ALDH1A2: variants seen among roughly 807,000 people sequenced by gnomAD.
The protein encoded by ALDH1A2 is aldehyde dehydrogenase 1 family member A2, also known as retinal dehydrogenase 2.
Under a neutral mutation model 60.3 loss-of-function variants are expected in ALDH1A2, and 27 were observed. The ratio of observed to expected loss-of-function variants is 0.45; its 90% confidence interval spans 0.33 to 0.62. The LOEUF is 0.62. Among genes scored for constraint, ALDH1A2 ranks in the 20% least tolerant of loss-of-function variants. ALDH1A2 has a pLI of 0.02. For synonymous variants in ALDH1A2, 289 were observed against 232.4 expected (o/e 1.24, Z -2.21); for missense variants, 581 against 643.8 (o/e 0.90, Z 1.06).
intron 7 of ALDH1A2, among the ~76,000 whole-genome samples, chr15:57,987,446 G>T (rs1894741882): frequency 6.6e-6 from 1 of 152,062 alleles, no homozygotes; most frequent in Non-Finnish European, 1.5e-5. Context: ...GTAAAATAAA[G>T]ATAACAATGA....
intron 7 of ALDH1A2, among the ~76,000 whole-genome samples, chr15:57,972,989 T>C (rs1261009443): frequency 6.6e-6 from 1 of 152,136 alleles, no homozygotes; most frequent in Non-Finnish European, 1.5e-5. Context: ...TTTATCTCAC[T>C]TAGGAAATAA....
At chr15:57,977,523 G>T (rs948910245) in intron 7 of ALDH1A2, among the ~76,000 whole-genome samples, 9 of 152,200 alleles carry the variant, frequency 5.9e-5, no homozygotes, top group African/African-American at 2.2e-4. Flanking sequence ...GATGGTTGTA[G>T]ATGTATGGTG....
Position 57,987,297 on chromosome 15 carries a change from A to C in ALDH1A2, c.798+5408T>G, listed in dbSNP as rs1177609618. ...GGTCAAAATGTTTCCCAGTTTGATG[A>C]AAACTATAAACTCACAGATATACAG... On this transcript the variant is annotated intron_variant, in intron 7 of 12. Transcript: ENST00000249750. 2.6e-5 allele frequency among the ~76,000 whole-genome samples: 4 copies of C among 152,216 alleles called. No homozygotes were observed. In the East Asian group the frequency reaches 7.7e-4, roughly 29 times the overall value.
Position 57,983,468 on chromosome 15 carries a change from C to T in ALDH1A2, c.798+9237G>A, listed in dbSNP as rs557111437. ...GAGAAAAGGAAGACAGCCTTAAATT[C>T]TTGCCAGTTGTGACTATTAACAACT... On this transcript the variant is annotated intron_variant, in intron 7 of 12. Coordinates refer to ENST00000249750, the MANE Select transcript of ALDH1A2 (RefSeq NM_003888.4). Among the ~76,000 whole-genome samples the T allele has an allele frequency of 6.8e-4, 104 of 152,280 alleles. 1 individual carries two copies. In the South Asian group the frequency reaches 0.021, roughly 30 times the overall value.
chr15:58,024,399 C>T (rs1360256416), intron 1 of ALDH1A2, among the ~76,000 whole-genome samples: 1 of 152,064 alleles, frequency 6.6e-6, no homozygotes, highest in Non-Finnish European at 1.5e-5. Context: ...AAAGATATTC[C>T]ACTCACATGG....
intron 7 of ALDH1A2, among the ~76,000 whole-genome samples, chr15:57,978,601 C>A (rs777567380): frequency 6.6e-6 from 1 of 151,918 alleles, no homozygotes; most frequent in African/African-American, 2.4e-5. Flanking sequence ...GTTTGGTCCA[C>A]AGTCATATTT....
At chr15:57,998,798 CTA>C (rs1424473980) in intron 4 of ALDH1A2, among the ~76,000 whole-genome samples, 1 of 152,060 alleles carries the variant, frequency 6.6e-6, no homozygotes, top group Non-Finnish European at 1.5e-5. Flanking sequence ...TGACTTCAAA[CTA>C]TACTACAAGG....
intron 3 of ALDH1A2, among the ~76,000 whole-genome samples, chr15:58,013,623 G>A (rs146918561): frequency 1.3e-5 from 2 of 152,160 alleles, no homozygotes; most frequent in South Asian, 2.1e-4. Context: ...GTGGTGGCAC[G>A]TGCACGTAAT....
intron 12 of ALDH1A2, among the ~76,000 whole-genome samples, chr15:57,956,087 T>G (rs1893515330): frequency 6.6e-6 from 1 of 152,096 alleles, no homozygotes; most frequent in African/African-American, 2.4e-5. Context: ...GGCTTGAATA[T>G]CTCTGTCTTC....
intron 1 of ALDH1A2, among the ~76,000 whole-genome samples, chr15:58,032,964 A>G (rs1388725899): frequency 6.6e-6 from 1 of 152,102 alleles, no homozygotes; most frequent in Admixed American, 6.6e-5. Context: ...TGGGATCTAA[A>G]AAATATGAAC....
intron 4 of ALDH1A2, among the ~76,000 whole-genome samples, chr15:57,999,768 G>A (rs1895196255): frequency 6.6e-6 from 1 of 151,988 alleles, no homozygotes; most frequent in Non-Finnish European, 1.5e-5. Context: ...GCATGTGTAT[G>A]TTCATTGCAG....
At chr15:57,971,485 G>C (rs1236894507) in intron 7 of ALDH1A2, among the ~76,000 whole-genome samples, 1 of 152,162 alleles carries the variant, frequency 6.6e-6, no homozygotes, top group Admixed American at 6.5e-5. Flanking sequence ...AACTGTAGTA[G>C]TATGATTATG....
chr15:58,005,496 A>C (rs1895420072), intron 4 of ALDH1A2, among the ~76,000 whole-genome samples: 1 of 152,002 alleles, frequency 6.6e-6, no homozygotes, highest in African/African-American at 2.4e-5. Context: ...TAAGAGATCA[A>C]AGTTGATGCC....
chr15:58,052,580 C>T (rs1285932190), intron 1 of ALDH1A2, among the ~76,000 whole-genome samples: 3 of 152,014 alleles, frequency 2.0e-5, no homozygotes, highest in African/African-American at 4.8e-5. Context: ...ATTTAAGTGG[C>T]GTACCCAGTA....
intron 8 of ALDH1A2, 156 bp from the exon 9 acceptor site, chr15:57,964,225 C>G: frequency 1.4e-6 from 1 of 702,430 alleles, no homozygotes; most frequent in South Asian, 1.8e-5. Context: ...CTAGTTCTAA[C>G]TACACCCTGA....
intron 7 of ALDH1A2, among the ~76,000 whole-genome samples, chr15:57,986,571 C>CAAAAAAAAAAAAAAAAAAAAAAAAAACA (rs71116542): frequency 1.2e-5 from 1 of 82,076 alleles, no homozygotes; most frequent in African/African-American, 5.1e-5. Flanking sequence ...ACAGAAAAGC[C>CAAAAAAAAAAAAAAAAAAAAAAAAAACA]AAAAAAAAAA....
At chr15:58,009,324 AAAAC>A (rs1318701457) in intron 4 of ALDH1A2, among the ~76,000 whole-genome samples, 1 of 152,016 alleles carries the variant, frequency 6.6e-6, no homozygotes, top group Non-Finnish European at 1.5e-5. Flanking sequence ...TATTCAGTCA[AAAAC>A]TGCACTTGAA....
At chr15:57,963,347 CT>C (rs67005556) in intron 9 of ALDH1A2, among the ~76,000 whole-genome samples, 206 of 137,452 alleles carry the variant, frequency 1.5e-3, no homozygotes, top group Admixed American at 4.7e-3. Context: ...TCAGAATATT[CT>C]TTTTTTTTTT....
intron 1 of ALDH1A2, among the ~76,000 whole-genome samples, chr15:58,041,117 A>G (rs1228974999): frequency 1.3e-5 from 2 of 151,928 alleles, no homozygotes; most frequent in African/African-American, 2.4e-5. Context: ...GTTTCTTTCC[A>G]AAGGGTTAGA....
Sources: gnomAD v4.1 joint callset for allele counts (sites outside exome capture counted in the v4.1 genomes callset) on GRCh38, gnomAD v4.1.1 for gene constraint, MANE v1.5 for transcripts, NCBI Gene and HGNC (gene_info 2026-07-23, HGNC 2026-07-21) for gene names.